The following DOLPP1 variants were observed in gnomAD, a reference collection of about 807,000 sequenced individuals.
The protein encoded by DOLPP1 is dolichyl pyrophosphate phosphatase 1.
In DOLPP1, 15 loss-of-function variants were observed where a neutral mutation model predicts 34.1. The observed-to-expected ratio is 0.44, with a 90% CI of 0.29 to 0.68. The LOEUF is 0.68. DOLPP1 is among the 30% of genes least tolerant of loss of function. The pLI, the probability that DOLPP1 is intolerant of heterozygous loss-of-function variation, is 0.12. For missense variants in DOLPP1, 249 were observed against 307.1 expected (o/e 0.81, Z 1.41); for synonymous variants, 130 against 128.2 (o/e 1.01, Z -0.10).
chr9:129,086,113 A>G (rs766954810), intron 5 of DOLPP1, 26 bp from the exon 6 acceptor site: 3 of 1,610,568 alleles, frequency 1.9e-6, no homozygotes, highest in Admixed American at 1.7e-5. Flanking sequence ...TGGCTCTCAC[A>G]TACTTCGCTT....
At chr9:129,086,922 C>T (rs898508434) in intron 7 of DOLPP1, 124 bp downstream of exon 7, 8 of 733,994 alleles carry the variant, frequency 1.1e-5, no homozygotes, top group Admixed American at 4.8e-5. Flanking sequence ...CTCATTGAAT[C>T]CTGCTGTGAC....
At chr9:129,083,778 G>A (rs989736855) in intron 1 of DOLPP1, among the ~76,000 whole-genome samples, 16 of 152,182 alleles carry the variant, frequency 1.1e-4, no homozygotes, top group African/African-American at 3.9e-4. Context: ...CCACAAGTGG[G>A]TGAGCTGAGG....
Position 129,089,306 on chromosome 9 carries a change from T to C in DOLPP1, c.*299T>C, listed in dbSNP as rs564383996. On this transcript the variant is annotated 3_prime_UTR_variant, in exon 8 of 8. Transcript: ENST00000372546. This position sits in a 1 kb window ranked among gnomAD's most constrained non-coding sequence, Gnocchi z 4.9. ...TCGGCATGGGCACCTGGGTGTGGGG[T>C]GGAGGAGGAGGGCTCGCGCCTCTGG... The C allele has an allele frequency of 1.7e-5, 6 of 359,420 alleles. No homozygotes were observed. The South Asian group carries it at 2.6e-4, about 16-fold the overall frequency. 22.3% of individuals were successfully genotyped at this position (359,420 alleles called of 1,614,324 possible). A position where few individuals can be genotyped will look rare whatever the true frequency, so the allele number is the denominator to read the frequency against.
At chr9:129,088,898 G>T (rs1039343371) in intron 7 of DOLPP1, 73 bp from the exon 8 acceptor site, 7 of 1,507,894 alleles carry the variant, frequency 4.6e-6, no homozygotes, top group South Asian at 4.5e-5. Context: ...TTGGGACTAC[G>T]GGTGGGGTGG....
rs1846978395 is a variant in DOLPP1 at position 129,085,822 on chromosome 9, C to G, written c.461+206C>G. Reference sequence around the variant, plus strand: ...CGCACTGAGCCCAAGATTCTGGGACCAACTCCACGTATCAGCCATCTCTTC... The same window carrying G: ...CGCACTGAGCCCAAGATTCTGGGACGAACTCCACGTATCAGCCATCTCTTC... On this transcript the variant is annotated intron_variant, in intron 5 of 7. Coordinates refer to ENST00000372546, the MANE Select transcript of DOLPP1 (RefSeq NM_020438.5). This position sits in a 1 kb window ranked among gnomAD's most constrained non-coding sequence, Gnocchi z 7.0. Among the ~76,000 whole-genome samples the G allele has an allele frequency of 6.6e-6, 1 of 152,240 alleles. No homozygotes were observed. Among genetic ancestry groups the G allele is most frequent in the Non-Finnish European group, 1.5e-5 (1 of 68,042 alleles).
chr9:129,081,215 G>A lies in DOLPP1; in HGVS notation c.76+8G>A, dbSNP rs765817064. 1.8e-5 allele frequency: 29 copies of A among 1,608,112 alleles called. No homozygotes were observed. The highest frequency in any genetic ancestry group is 2.3e-5 in the Non-Finnish European group (27 of 1,179,278). The stretch of plus-strand genomic sequence containing the variant: ...ACGTCGAATATCCTGCAGGTAAAAG[G>A]CGGTCCCGGCTCCAAGGACGCCTTC... On this transcript the variant is annotated splice_region_variant and intron_variant, in intron 1 of 7. Coordinates refer to ENST00000372546, the MANE Select transcript of DOLPP1 (RefSeq NM_020438.5).
In DOLPP1 at chr9:129,083,280, T is replaced by A. The variant is rs139353421; in HGVS notation, c.77-1388T>A. Among the ~76,000 whole-genome samples, 108 of 152,256 alleles carry A rather than the reference T, an allele frequency of 7.1e-4. 1 individual carries two copies. Among genetic ancestry groups the A allele is most frequent in the Non-Finnish European group, 1.4e-3 (95 of 68,016 alleles). The stretch of plus-strand genomic sequence containing the variant: ...GGGTAGTGCTGGCTCTGGGACAGGC[T>A]ATGGAGATGGCTAAAGCTTTGGGGG... On this transcript the variant is annotated intron_variant, in intron 1 of 7. Coordinates refer to ENST00000372546, the MANE Select transcript of DOLPP1 (RefSeq NM_020438.5).
chr9:129,085,196 C>G lies in DOLPP1; in HGVS notation c.263-11C>G. The G allele has an allele frequency of 6.2e-7, 1 of 1,613,714 alleles. No individual in the cohort carries two copies. Among genetic ancestry groups the G allele is most frequent in the Non-Finnish European group, 8.5e-7 (1 of 1,179,738 alleles). On this transcript the variant is annotated splice_polypyrimidine_tract_variant and intron_variant, in intron 3 of 7. Coordinates refer to ENST00000372546, the MANE Select transcript of DOLPP1 (RefSeq NM_020438.5). The surrounding 1 kb of genome is among the most constrained non-coding windows in gnomAD (Gnocchi z 7.0). ...TCCCCCCGTGATGCCCTGGTCTCCT[C>G]TCTCTCCCAGGCCCCCACACAGCAG... is the stretch of plus-strand genomic sequence containing the variant.
intron 7 of DOLPP1, among the ~76,000 whole-genome samples, chr9:129,087,239 C>T (rs1847007230): frequency 1.3e-5 from 2 of 152,112 alleles, no homozygotes; most frequent in African/African-American, 4.8e-5. Context: ...TTGGAGACTC[C>T]TGACTCATGC....
intron 5 of DOLPP1, 122 bp from the exon 6 acceptor site, chr9:129,086,017 T>C: frequency 1.0e-6 from 1 of 952,846 alleles, no homozygotes; most frequent in Non-Finnish European, 1.6e-6. Context: ...GGAGTCAGTG[T>C]CCTGTCTGTG....
At position 129,085,619 on chromosome 9, in the gene DOLPP1, A is replaced by G. The variant is rs1245122831; in HGVS notation, c.461+3A>G. On this transcript the variant is annotated splice_donor_region_variant and intron_variant, in intron 5 of 7. Transcript: ENST00000372546. The surrounding 1 kb of genome is among the most constrained non-coding windows in gnomAD (Gnocchi z 7.0). ...GCCTTCCTAGTCTCCTACAGCAGGT[A>G]TGGAGGAGGGAGAGCCCCTGCCTGC... is the stretch of plus-strand genomic sequence containing the variant. The G allele has an allele frequency of 1.9e-6, 3 of 1,608,898 alleles. No homozygotes were observed. Among genetic ancestry groups the G allele is most frequent in the Non-Finnish European group, 2.5e-6 (3 of 1,176,846 alleles).
At chr9:129,081,562 G>T (rs1170373019) in intron 1 of DOLPP1, among the ~76,000 whole-genome samples, 3 of 152,220 alleles carry the variant, frequency 2.0e-5, no homozygotes, top group African/African-American at 7.2e-5. Context: ...CTGTCCCAGA[G>T]AGGCCGCACT....
Position 129,085,216 on chromosome 9 carries a change from CA to C in DOLPP1, c.273del (p.Ala92GlnfsTer29). ...CTCCTCTCTCTCCCAGGCCCCCACA[CA>C]GCAGTGGGCACCAAGTACGGGATGC... ...QEPRPCGGPH[T>X]AVGTKYGMPS... On this transcript the variant is annotated frameshift_variant, in exon 4 of 8. Coordinates refer to ENST00000372546, the MANE Select transcript of DOLPP1 (RefSeq NM_020438.5). LOFTEE classifies it high-confidence loss of function. This position sits in a 1 kb window ranked among gnomAD's most constrained non-coding sequence, Gnocchi z 7.0. The C allele has an allele frequency of 6.2e-7, 1 of 1,614,018 alleles. No individual in the cohort carries two copies.
In DOLPP1 at chr9:129,086,186, T is replaced by C. The variant is rs1846985574; in HGVS notation, c.509T>C (p.Ile170Thr). ...HTWSQVLYGG[I>T]AGGLMAIAWF... ...TGGAGCCAGGTGCTCTATGGAGGCA[T>C]CGCTGGAGGCCTCATGGCCATCGCC... The change falls in exon 6 of 8, where the codon ATC (isoleucine) becomes ACC (threonine). Residue 170 changes from isoleucine to threonine, a missense_variant. Coordinates refer to ENST00000372546, the MANE Select transcript of DOLPP1 (RefSeq NM_020438.5). 1 of 1,613,474 alleles carries C rather than the reference T, an allele frequency of 6.2e-7. No homozygotes were observed. The highest frequency in any genetic ancestry group is 1.3e-5 in the African/African-American group (1 of 74,930).
At chr9:129,081,358 C>G in intron 1 of DOLPP1, 151 bp downstream of exon 1, 3 of 1,018,540 alleles carry the variant, frequency 2.9e-6, no homozygotes, top group Non-Finnish European at 4.1e-6. Context: ...GGCCGGCGCG[C>G]GCGCCGCGCA....
At position 129,085,735 on chromosome 9, in the gene DOLPP1, A is replaced by C; in HGVS notation, c.461+119A>C. 1 of 772,834 alleles carries C rather than the reference A, an allele frequency of 1.3e-6. No individual in the cohort carries two copies. Among genetic ancestry groups the C allele is most frequent in the Non-Finnish European group, 2.0e-6 (1 of 490,970 alleles). 47.9% of individuals were successfully genotyped at this position (772,834 alleles called of 1,614,324 possible). A position where few individuals can be genotyped will look rare whatever the true frequency, so the allele number is the denominator to read the frequency against. ...CAGAACCTGTAGTGCAGGACTGGAA[A>C]AGGGGTCCCAGACCTCTAGTTTTAA... On this transcript the variant is annotated intron_variant, in intron 5 of 7. Coordinates refer to ENST00000372546, the MANE Select transcript of DOLPP1 (RefSeq NM_020438.5). This position sits in a 1 kb window ranked among gnomAD's most constrained non-coding sequence, Gnocchi z 7.0.
rs148259476 is a variant in DOLPP1 at position 129,085,479 on chromosome 9, G to C, written c.363-39G>C. 1.6e-4 allele frequency: 261 copies of C among 1,600,068 alleles called. 1 individual carries two copies. In the African/African-American group the frequency reaches 3.2e-3, roughly 20 times the overall value. ...GGACTGTTTGGGAGGCCTGGGCTGG[G>C]CTGTGGGCTGAGGTCATCTGGTGGG... On this transcript the variant is annotated intron_variant, in intron 4 of 7. Coordinates refer to ENST00000372546, the MANE Select transcript of DOLPP1 (RefSeq NM_020438.5). This position sits in a 1 kb window ranked among gnomAD's most constrained non-coding sequence, Gnocchi z 7.0.
chr9:129,082,723 C>T (rs1298176499), intron 1 of DOLPP1, among the ~76,000 whole-genome samples: 1 of 152,216 alleles, frequency 6.6e-6, no homozygotes, highest in African/African-American at 2.4e-5. Flanking sequence ...TTCTCCGTCA[C>T]ACCCCTCTTC....
At chr9:129,081,258 G>T (rs1229344045) in intron 1 of DOLPP1, 51 bp downstream of exon 1, 2 of 1,597,842 alleles carry the variant, frequency 1.3e-6, no homozygotes, top group Non-Finnish European at 8.5e-7. Flanking sequence ...CGGCCTCTCA[G>T]TCCCGGGCGC....
Sources: gnomAD v4.1 joint callset for allele counts (sites outside exome capture counted in the v4.1 genomes callset) on GRCh38, gnomAD v4.1.1 for gene constraint, Gnocchi (gnomAD v3.1) non-coding constraint, MANE v1.5 for transcripts, NCBI Gene and HGNC (gene_info 2026-07-23, HGNC 2026-07-21) for gene names.